The following VEGFC variants were observed in gnomAD, a reference collection of about 807,000 sequenced individuals.
VEGFC encodes vascular endothelial growth factor C, also known as FLT4 ligand DHM.
VEGFC carries 12 observed loss-of-function variants against 46.1 expected under a neutral mutation model. The observed-to-expected ratio is 0.26, with a 90% CI of 0.17 to 0.42. The LOEUF is 0.42. Among genes scored for constraint, VEGFC ranks in the 10% least tolerant of loss-of-function variants. VEGFC has a pLI of 1.00. For synonymous variants in VEGFC, 232 were observed against 195.5 expected, an observed-to-expected ratio of 1.19 and a Z score of -1.56; for missense variants, 488 against 529.4, an observed-to-expected ratio of 0.92 and a Z score of 0.77.
chr4:176,716,711 G>A (rs901210868), intron 3 of VEGFC, among the ~76,000 whole-genome samples: 6 of 151,252 alleles, frequency 4.0e-5, no homozygotes, highest in South Asian at 2.1e-4. Context: ...ATAGCTTACC[G>A]TAAACACTGG....
At chr4:176,782,669 C>G (rs534908860) in intron 1 of VEGFC, among the ~76,000 whole-genome samples, 2 of 151,762 alleles carry the variant, frequency 1.3e-5, no homozygotes, top group South Asian at 2.1e-4. Context: ...AATATTAATA[C>G]GAAAATTGCT....
At chr4:176,725,021 T>A (rs1734849930) in intron 3 of VEGFC, among the ~76,000 whole-genome samples, 1 of 151,954 alleles carries the variant, frequency 6.6e-6, no homozygotes, top group Admixed American at 6.6e-5. Context: ...GAAATTGGAG[T>A]GAATAACGAT....
At chr4:176,751,985 T>C (rs911110360) in intron 1 of VEGFC, among the ~76,000 whole-genome samples, 5 of 151,894 alleles carry the variant, frequency 3.3e-5, no homozygotes, top group South Asian at 2.1e-4. Context: ...AAAAAATAAA[T>C]GGATAAATTT....
intron 3 of VEGFC, among the ~76,000 whole-genome samples, chr4:176,713,803 G>C (rs1413843706): frequency 6.6e-6 from 1 of 152,172 alleles, no homozygotes; most frequent in Non-Finnish European, 1.5e-5. Context: ...CAATGATGGA[G>C]CATCAGGAGG....
chr4:176,765,550 A>ATTTT (rs779746169), intron 1 of VEGFC, among the ~76,000 whole-genome samples: 5 of 131,494 alleles, frequency 3.8e-5, no homozygotes, highest in African/African-American at 8.9e-5. Flanking sequence ...CAAAGACAGA[A>ATTTT]TTTTTTTTTT....
intron 1 of VEGFC, among the ~76,000 whole-genome samples, chr4:176,784,520 G>A (rs4435689): frequency 0.71 from 107,239 of 151,490 alleles, 43,923 homozygotes; most frequent in East Asian, 0.99. Flanking sequence ...GGCCGAGGCG[G>A]GCAGATCACG....
At chr4:176,689,247 G>A (rs1458979004) in intron 4 of VEGFC, 2 of 152,150 alleles carry the variant, frequency 1.3e-5, no homozygotes, top group Non-Finnish European at 2.9e-5. Flanking sequence ...CTTAACATGT[G>A]CATTGAGTAT....
intron 1 of VEGFC, among the ~76,000 whole-genome samples, chr4:176,766,445 A>C (rs574086106): frequency 1.1e-4 from 16 of 152,162 alleles, no homozygotes; most frequent in African/African-American, 2.4e-4. Context: ...AAATTAGCCA[A>C]GTGTAGTGGT....
chr4:176,727,092 G>A (rs1002228871), intron 3 of VEGFC, among the ~76,000 whole-genome samples: 2 of 152,138 alleles, frequency 1.3e-5, no homozygotes, highest in African/African-American at 2.4e-5. Context: ...GCACATACGC[G>A]TGTTCCACAG....
At chr4:176,716,040 A>C (rs1190522186) in intron 3 of VEGFC, among the ~76,000 whole-genome samples, 1 of 152,150 alleles carries the variant, frequency 6.6e-6, no homozygotes, top group African/African-American at 2.4e-5. Flanking sequence ...TGGTGATTTC[A>C]GTGTAATGTT....
Position 176,727,796 on chromosome 4 carries a change from C to T in VEGFC, c.534G>A (p.Thr178=), listed in dbSNP as rs763069745. 12 of 1,613,132 alleles carry T rather than the reference C, an allele frequency of 7.4e-6. No homozygotes were observed. Among genetic ancestry groups the T allele is most frequent in the African/African-American group, 5.3e-5 (4 of 74,884 alleles). ...SEGLQCMNTS[T]SYLSKTLFEI... The stretch of plus-strand genomic sequence containing the variant: ...TACCCACCGTCTTGCTGAGGTAGCT[C>T]GTGCTGGTGTTCATGCACTGCAGCC... Residue 178 remains threonine (T), a synonymous_variant, in exon 3 of 7, where the codon ACG becomes ACA. Transcript: ENST00000618562.
Position 176,792,205 on chromosome 4 carries a change from A to G in VEGFC, c.107T>C (p.Leu36Pro). 1 of 1,557,766 alleles carries G rather than the reference A, an allele frequency of 6.4e-7. No individual in the cohort carries two copies. The highest frequency in any genetic ancestry group is 8.7e-7 in the Non-Finnish European group (1 of 1,155,138). ...PAAAAAFESG[L>P]DLSDAEPDAG... ...GTCGGGCTCCGCGTCCGAGAGGTCG[A>G]GTCCGGACTCGAAGGCGGCGGCGGC... is the stretch of plus-strand genomic sequence containing the variant. Residue 36 changes from leucine (L) to proline (P), a missense_variant, in exon 1 of 7, where the codon CTC becomes CCC. Leu to Pro is a moderately conservative substitution (Grantham distance 98). Transcript: ENST00000618562. The surrounding 1 kb of genome is among the most constrained non-coding windows in gnomAD (Gnocchi z 6.3).
Position 176,727,906 on chromosome 4 carries a change from T to C in VEGFC, c.424A>G (p.Lys142Glu). The change falls in exon 3 of 7, where the codon AAG becomes GAG. Residue 142 changes from lysine to glutamate, a missense_variant. Coordinates refer to ENST00000618562, the MANE Select transcript of VEGFC (RefSeq NM_005429.5). Reference sequence around the variant, plus strand: ...GTGTTTGTCGCGACTCCAAACTCCTTCCCCACATCTATACACACCTCCCGT... The same window carrying C: ...GTGTTTGTCGCGACTCCAAACTCCTCCCCCACATCTATACACACCTCCCGT... Reference protein sequence around the residue: ...MPREVCIDVGKEFGVATNTFF... With the variant: ...MPREVCIDVGEEFGVATNTFF... The C allele has an allele frequency of 6.2e-7, 1 of 1,613,778 alleles. No individual in the cohort carries two copies.
At chr4:176,765,953 T>C (rs534779899) in intron 1 of VEGFC, among the ~76,000 whole-genome samples, 5 of 151,740 alleles carry the variant, frequency 3.3e-5, no homozygotes, top group African/African-American at 9.7e-5. Context: ...GAGGGTAATA[T>C]GGAAAAAAAT....
At chr4:176,783,003 G>A (rs2110947880) in intron 1 of VEGFC, among the ~76,000 whole-genome samples, 1 of 152,226 alleles carries the variant, frequency 6.6e-6, no homozygotes, top group East Asian at 1.9e-4. Context: ...TCTGCTCACG[G>A]GCCTCCAATG....
At chr4:176,716,584 G>GA (rs57274087) in intron 3 of VEGFC, among the ~76,000 whole-genome samples, 6,563 of 43,610 alleles carry the variant, frequency 0.15, 720 homozygotes, top group African/African-American at 0.3. Context: ...CTCCCTCTCC[G>GA]AAAAAAAAAA....
intron 1 of VEGFC, among the ~76,000 whole-genome samples, chr4:176,739,961 TCGA>T (rs1334033952): frequency 8.9e-5 from 2 of 22,478 alleles, no homozygotes; most frequent in East Asian, 4.3e-3. Flanking sequence ...AACTATATAT[TCGA>T]TATATCGAAT....
chr4:176,749,828 A>G (rs890629238), intron 1 of VEGFC, among the ~76,000 whole-genome samples: 9 of 151,788 alleles, frequency 5.9e-5, no homozygotes, highest in African/African-American at 1.9e-4. Flanking sequence ...TTGTAATAAC[A>G]TAGTTAAGTA....
chr4:176,724,778 G>C (rs1734844800), intron 3 of VEGFC, among the ~76,000 whole-genome samples: 2 of 152,200 alleles, frequency 1.3e-5, no homozygotes, highest in Non-Finnish European at 2.9e-5. Context: ...ATGCTGAACA[G>C]GGGCTATGGG....
Sources: allele counts gnomAD v4.1 joint callset (sites outside exome capture counted in the v4.1 genomes callset), GRCh38; gene constraint gnomAD v4.1.1; non-coding constraint Gnocchi (gnomAD v3.1); transcripts MANE v1.5; gene names NCBI Gene and HGNC (gene_info 2026-07-23, HGNC 2026-07-21).